Variants in TERT observed in about 807,000 individuals in gnomAD.
TERT encodes the protein telomerase reverse transcriptase, also known as telomerase catalytic subunit.
In TERT, 42 loss-of-function variants were observed where a neutral mutation model predicts 104.0. That is an observed-to-expected ratio of 0.40 (90% CI 0.32 to 0.52). The LOEUF is 0.52. Among genes scored for constraint, TERT ranks in the 20% least tolerant of loss-of-function variants. TERT has a pLI of 0.43. For missense variants in TERT, 1,101 were observed against 1,610.3 expected, an observed-to-expected ratio of 0.68 and a Z score of 5.41; for synonymous variants, 781 against 725.6, an observed-to-expected ratio of 1.08 and a Z score of -1.23.
chr5:1,277,890 C>T (rs983816962), intron 6 of TERT, among the ~76,000 whole-genome samples: 2 of 152,042 alleles, frequency 1.3e-5, no homozygotes, highest in African/African-American at 4.8e-5. Context: ...ACTTTGAGGG[C>T]TTACCCCTCC....
chr5:1,283,993 G>A (rs1177372202), intron 2 of TERT, among the ~76,000 whole-genome samples: 4 of 132,348 alleles, frequency 3.0e-5, no homozygotes, highest in East Asian at 2.4e-4. Context: ...TCCGGATACA[G>A]CACATCCAGC....
intron 2 of TERT, among the ~76,000 whole-genome samples, chr5:1,291,748 A>C (rs1442704088): frequency 6.6e-6 from 1 of 151,414 alleles, no homozygotes; most frequent in Non-Finnish European, 1.5e-5. Flanking sequence ...CTCACCCTGC[A>C]CGTGACAGGG....
At chr5:1,279,143 G>A in intron 5 of TERT, 148 bp downstream of exon 5, 2 of 920,778 alleles carry the variant, frequency 2.2e-6, no homozygotes, top group South Asian at 3.5e-5. Flanking sequence ...CTCCACCCTA[G>A]GTGCCAGGTG....
At chr5:1,282,330 A>T (rs1265573651) in intron 3 of TERT, 99 bp downstream of exon 3, 6 of 1,324,840 alleles carry the variant, frequency 4.5e-6, no homozygotes, top group Non-Finnish European at 6.5e-6. Context: ...AGAGCTGCAC[A>T]GCCAGGGAAG....
In TERT at chr5:1,270,334, C is replaced by A. The variant is rs1748930567; in HGVS notation, c.2468+785G>T. Among the ~76,000 whole-genome samples the A allele has an allele frequency of 6.6e-6, 1 of 152,234 alleles. No individual in the cohort carries two copies. The highest frequency in any genetic ancestry group is 2.4e-5 in the African/African-American group (1 of 41,458). ...CGCTGGAGACGATCCCAGAGAGAGG[C>A]CTCCACGTTCCACCTGACTGCGGAT... On this transcript the variant is annotated intron_variant, in intron 8 of 15. Coordinates refer to ENST00000310581, the MANE Select transcript of TERT (RefSeq NM_198253.3). The surrounding 1 kb of genome is among the most constrained non-coding windows in gnomAD (Gnocchi z 8.3).
At position 1,288,835 on chromosome 5, in the gene TERT, C is replaced by T. The variant is rs1750651535; in HGVS notation, c.1573+4478G>A. On this transcript the variant is annotated intron_variant, in intron 2 of 15. Coordinates refer to ENST00000310581, the MANE Select transcript of TERT (RefSeq NM_198253.3). The surrounding 1 kb of genome is among the most constrained non-coding windows in gnomAD (Gnocchi z 5.3). Reference sequence around the variant, plus strand: ...GCAAGCCAGGCCCAACAGAGGCAAGCGGACCTGAAGCTGTGGCTGCAGTGC... The same window carrying T: ...GCAAGCCAGGCCCAACAGAGGCAAGTGGACCTGAAGCTGTGGCTGCAGTGC... 6.6e-6 allele frequency among the ~76,000 whole-genome samples: 1 copy of T among 152,296 alleles called. No homozygotes were observed. The highest frequency in any genetic ancestry group is 3.4e-3 in the Middle Eastern group (1 of 294).
chr5:1,254,792 T>C (rs1747596628), intron 14 of TERT, among the ~76,000 whole-genome samples: 1 of 151,806 alleles, frequency 6.6e-6, no homozygotes, highest in Admixed American at 6.5e-5. Flanking sequence ...GGACAAAGTG[T>C]CCAGGGGCAG....
In TERT at chr5:1,294,074, C is replaced by G. The variant is rs1751201697; in HGVS notation, c.812G>C (p.Cys271Ser). Residue 271 changes from cysteine (C) to serine (S), a missense_variant, in exon 2 of 16, where the codon TGT becomes TCT. By Grantham distance (112) the Cys-to-Ser change is moderately radical (BLOSUM62 -1). This residue lies in a region of TERT where 504 missense variants were observed against 544.6 expected (regional missense o/e 0.93). Coordinates refer to ENST00000310581, the MANE Select transcript of TERT (RefSeq NM_198253.3). ...RTRGPSDRGF[C>S]VVSPARPAEE... ...GGCGGGTCTGGCAGGTGACACCACACAGAAACCACGGTCACTCGGTCCACG... is the reference window on the plus strand; with the variant it reads ...GGCGGGTCTGGCAGGTGACACCACAGAGAAACCACGGTCACTCGGTCCACG... 1.3e-6 allele frequency: 2 copies of G among 1,591,610 alleles called. No homozygotes were observed. Among genetic ancestry groups the G allele is most frequent in the South Asian group, 2.3e-5 (2 of 88,648 alleles).
rs1370628722 is a variant in TERT, at chr5:1,274,533, C to T, written c.2287-2253G>A. The stretch of plus-strand genomic sequence containing the variant: ...GTTTTGGGAGCAAACGGTTCCACCT[C>T]AGATCATCAGGCATTAGATTCCCAT... On this transcript the variant is annotated intron_variant, in intron 6 of 15. Transcript: ENST00000310581. The surrounding 1 kb of genome is among the most constrained non-coding windows in gnomAD (Gnocchi z 5.3). 6.6e-6 allele frequency among the ~76,000 whole-genome samples: 1 copy of T among 152,220 alleles called. No individual in the cohort carries two copies. The highest frequency in any genetic ancestry group is 1.9e-4 in the East Asian group (1 of 5,196).
At chr5:1,290,319 A>C (rs796964492) in intron 2 of TERT, among the ~76,000 whole-genome samples, 1 of 13,936 alleles carries the variant, frequency 7.2e-5, no homozygotes, top group East Asian at 2.5e-3. Flanking sequence ...CACTCACCCT[A>C]CACGTGACAG....
chr5:1,294,368 G>T lies in TERT; in HGVS notation c.518C>A (p.Pro173Gln). 2 of 1,576,344 alleles carry T rather than the reference G, an allele frequency of 1.3e-6. No homozygotes were observed. Among genetic ancestry groups the T allele is most frequent in the Non-Finnish European group, 1.7e-6 (2 of 1,169,038 alleles). Residue 173 changes from proline to glutamine, a missense_variant, in exon 2 of 16, where the codon CCG becomes CAG. Physicochemically the swap from Pro to Gln is moderately conservative, Grantham distance 76. This residue lies in a region of TERT where 47 missense variants were observed against 105.3 expected (regional missense o/e 0.45). Transcript: ENST00000310581. ...GGCAGCGCCGAGCTGGTACAGCGGC[G>T]GCCCGCACACCTGGTAGGCGCAGCT... is the stretch of plus-strand genomic sequence containing the variant. ...APSCAYQVCGPPLYQLGAATQ... is the reference protein window; with the variant it reads ...APSCAYQVCGQPLYQLGAATQ...
At chr5:1,267,998 C>T (rs1240320350) in intron 9 of TERT, among the ~76,000 whole-genome samples, 4 of 152,068 alleles carry the variant, frequency 2.6e-5, no homozygotes, top group Admixed American at 2.6e-4. Flanking sequence ...AAAAAAGTAA[C>T]TGCTGTCAAT....
At chr5:1,258,525 GC>G in intron 13 of TERT, 72 bp downstream of exon 13, 1 of 1,380,370 alleles carries the variant, frequency 7.2e-7, no homozygotes. Flanking sequence ...CCAAGGTGAA[GC>G]CCCGGGTCAG....
At position 1,264,531 on chromosome 5, in the gene TERT, TCA is replaced by T; in HGVS notation, c.2714_2715del (p.Val905GlufsTer133). 1 of 1,613,962 alleles carries T rather than the reference TCA, an allele frequency of 6.2e-7. No individual in the cohort carries two copies. Among genetic ancestry groups the T allele is most frequent in the Non-Finnish European group, 8.5e-7 (1 of 1,180,030 alleles). ...GCVVNLRKTV[V>X]NFPVEDEALG... is the part of the protein sequence containing the mutation. Reference sequence around the variant, plus strand: ...AGGGCCTCGTCTTCTACAGGGAAGTTCACCACTGTCTTCCGCAAGTTCACCAC... The same window carrying T: ...AGGGCCTCGTCTTCTACAGGGAAGTTCCACTGTCTTCCGCAAGTTCACCAC... On this transcript the variant is annotated frameshift_variant, in exon 11 of 16. Coordinates refer to ENST00000310581, the MANE Select transcript of TERT (RefSeq NM_198253.3). LOFTEE classifies it high-confidence loss of function.
In TERT at chr5:1,262,998, G is replaced by A. The variant is rs1034535181; in HGVS notation, c.2843+1406C>T. Reference sequence around the variant, plus strand: ...GCTGTGAGAGGGAAGCAGGGACTGTGGGGAGCACAGGAGACCGGCATCCTT... The same window carrying A: ...GCTGTGAGAGGGAAGCAGGGACTGTAGGGAGCACAGGAGACCGGCATCCTT... On this transcript the variant is annotated intron_variant, in intron 11 of 15. Coordinates refer to ENST00000310581, the MANE Select transcript of TERT (RefSeq NM_198253.3). This position sits in a 1 kb window ranked among gnomAD's most constrained non-coding sequence, Gnocchi z 5.6. Among the ~76,000 whole-genome samples the A allele has an allele frequency of 6.6e-6, 1 of 152,192 alleles. No individual in the cohort carries two copies. The highest frequency in any genetic ancestry group is 1.5e-5 in the Non-Finnish European group (1 of 68,038).
chr5:1,275,173 G>A (rs1749464608), intron 6 of TERT, among the ~76,000 whole-genome samples: 1 of 152,086 alleles, frequency 6.6e-6, no homozygotes, highest in Non-Finnish European at 1.5e-5. Context: ...TCAGGAGTTC[G>A]AGACCAGCCT....
At position 1,254,321 on chromosome 5, in the gene TERT, T is replaced by G. The variant is rs1245242122; in HGVS notation, c.3295+47A>C. The G allele has an allele frequency of 5.0e-6, 8 of 1,612,148 alleles. No homozygotes were observed. The South Asian group carries it at 8.8e-5, about 18-fold the overall frequency. ...TCGCCCCACACAGGGCGTTCAAGGATGACCCCTGGGCAGGTGGGGCCCGCA... is the reference window on the plus strand; with the variant it reads ...TCGCCCCACACAGGGCGTTCAAGGAGGACCCCTGGGCAGGTGGGGCCCGCA... On this transcript the variant is annotated intron_variant, in intron 15 of 15. Coordinates refer to ENST00000310581, the MANE Select transcript of TERT (RefSeq NM_198253.3).
chr5:1,274,653 G>A lies in TERT; in HGVS notation c.2287-2373C>T, dbSNP rs767823723. On this transcript the variant is annotated intron_variant, in intron 6 of 15. Transcript: ENST00000310581. This position sits in a 1 kb window ranked among gnomAD's most constrained non-coding sequence, Gnocchi z 5.3. ...ATGCCACTGCTGATCTGAGAGGGGC[G>A]GGGCTCAGGCGGGAACGCTGGCTCC... 2.6e-5 allele frequency among the ~76,000 whole-genome samples: 4 copies of A among 152,176 alleles called. No homozygotes were observed. The highest frequency in any genetic ancestry group is 4.4e-5 in the Non-Finnish European group (3 of 68,022).
In TERT at chr5:1,278,786, G is replaced by A. The variant is rs772441504; in HGVS notation, c.2141C>T (p.Thr714Met). 3.3e-5 allele frequency: 53 copies of A among 1,613,976 alleles called. No individual in the cohort carries two copies. Among genetic ancestry groups the A allele is most frequent in the Admixed American group, 1.5e-4 (9 of 60,014 alleles). Residue 714 changes from threonine to methionine, a missense_variant, in exon 6 of 16, where the codon ACG (threonine) becomes ATG (methionine). By Grantham distance (81) the Thr-to-Met change is moderately conservative (BLOSUM62 -1). This residue lies in a region of TERT where 463 missense variants were observed against 797.5 expected (regional missense o/e 0.58). Transcript: ENST00000310581. ...CTGGGGGATGGTGTCGTACGCGCCC[G>A]TCACATCCACCTGTGTGAGTGGAGG... ...PELYFVKVDV[T>M]GAYDTIPQDR...
Sources: gnomAD v4.1 joint callset for allele counts (sites outside exome capture counted in the v4.1 genomes callset) on GRCh38, gnomAD v4.1.1 for gene constraint, gnomAD v4.1.1 regional missense constraint, Gnocchi (gnomAD v3.1) non-coding constraint, MANE v1.5 for transcripts, NCBI Gene and HGNC (gene_info 2026-07-23, HGNC 2026-07-21) for gene names.